The following MFN1 variants were observed in gnomAD, a reference collection of about 807,000 sequenced individuals.
MFN1 encodes the protein mitofusin 1.
A neutral mutation model predicts 92.4 loss-of-function variants in MFN1; 65 were observed. The observed-to-expected ratio is 0.70, with a 90% CI of 0.58 to 0.86. The LOEUF is 0.86. Ranked by LOEUF, MFN1 falls within the 40% of genes least tolerant of loss-of-function variation. The probability of loss-of-function intolerance (pLI) is 0.00; values close to 1 mark genes in which losing one functional copy is unlikely to be tolerated. For synonymous variants in MFN1, 297 were observed against 300.9 expected, an observed-to-expected ratio of 0.99 and a Z score of 0.13; for missense variants, 781 against 868.0, an observed-to-expected ratio of 0.90 and a Z score of 1.26.
chr3:179,385,815 A>G lies in MFN1; in HGVS notation c.1815+94A>G, dbSNP rs973456859. The G allele has an allele frequency of 2.0e-5, 23 of 1,157,438 alleles. 1 individual carries two copies. In the South Asian group the frequency reaches 2.0e-4, roughly 10 times the overall value. The allele number at this position is 1,157,438 out of a possible 1,614,324, so 71.7% of individuals were successfully genotyped here. ...GAAAAGGTATACAGTATTTACTTCTATTTATAGGATCTGTAAAATAGTATG... is the reference window on the plus strand; with the variant it reads ...GAAAAGGTATACAGTATTTACTTCTGTTTATAGGATCTGTAAAATAGTATG... On this transcript the variant is annotated intron_variant, in intron 15 of 17. Transcript: ENST00000471841.
intron 9 of MFN1, among the ~76,000 whole-genome samples, chr3:179,372,157 C>T (rs1473477134): frequency 2.0e-5 from 3 of 147,160 alleles, no homozygotes; most frequent in Non-Finnish European, 3.0e-5. Flanking sequence ...GAGTATCGAG[C>T]GCGAGTATGG....
At chr3:179,385,377 A>G (rs1246139823) in intron 14 of MFN1, among the ~76,000 whole-genome samples, 192 bp from the exon 15 acceptor site, 1 of 151,990 alleles carries the variant, frequency 6.6e-6, no homozygotes, top group African/African-American at 2.4e-5. Context: ...TTTATTGTTC[A>G]TGATATCATT....
intron 16 of MFN1, 49 bp downstream of exon 16, chr3:179,386,678 G>A (rs772208483): frequency 4.6e-6 from 7 of 1,516,958 alleles, no homozygotes; most frequent in African/African-American, 1.4e-5. Flanking sequence ...ACTGAAATAT[G>A]ACATACATGC....
chr3:179,365,457 T>C (rs1319269724), intron 7 of MFN1, among the ~76,000 whole-genome samples: 1 of 152,170 alleles, frequency 6.6e-6, no homozygotes, highest in Non-Finnish European at 1.5e-5. Flanking sequence ...TCTTTTTTGT[T>C]TAAGTTGTTA....
intron 8 of MFN1, 83 bp downstream of exon 8, chr3:179,367,675 A>G (rs1327641708): frequency 1.6e-6 from 2 of 1,257,214 alleles, no homozygotes; most frequent in Non-Finnish European, 2.1e-6. Context: ...CTGTAATCCC[A>G]GCACTTTGGA....
intron 16 of MFN1, among the ~76,000 whole-genome samples, chr3:179,387,134 G>A (rs1468878901): frequency 6.6e-6 from 1 of 151,916 alleles, no homozygotes; most frequent in Non-Finnish European, 1.5e-5. Context: ...TGTTGCCCGG[G>A]TTGGTCTTGA....
Position 179,365,159 on chromosome 3 carries a change from G to A in MFN1, c.687G>A (p.Lys229=), listed in dbSNP as rs1258940057. Residue 229 remains lysine (K), a synonymous_variant, in exon 7 of 18, where the codon AAG becomes AAA. Transcript: ENST00000471841. The stretch of plus-strand genomic sequence containing the variant: ...ACAAGGTGAATGAGCGGCTTTCCAA[G>A]CCTAATATTTTCATTCTCAATAATC... The part of the protein sequence containing the change: ...FFHKVNERLS[K]PNIFILNNRW... The A allele has an allele frequency of 2.6e-6, 4 of 1,556,648 alleles. No homozygotes were observed. Among genetic ancestry groups the A allele is most frequent in the Non-Finnish European group, 3.4e-6 (4 of 1,160,190 alleles).
intron 3 of MFN1, among the ~76,000 whole-genome samples, chr3:179,353,454 C>T (rs1304500528): frequency 1.3e-5 from 2 of 151,968 alleles, no homozygotes; most frequent in East Asian, 3.9e-4. Context: ...GTGAACCACT[C>T]ACCTCGGCCT....
At chr3:179,380,307 C>T (rs1713417123) in intron 14 of MFN1, among the ~76,000 whole-genome samples, 1 of 152,154 alleles carries the variant, frequency 6.6e-6, no homozygotes, top group African/African-American at 2.4e-5. Context: ...GAGGAGACAG[C>T]CCCTACAAGA....
At chr3:179,376,852 G>A (rs571901768) in intron 10 of MFN1, 190 bp from the exon 11 acceptor site, 8 of 439,664 alleles carry the variant, frequency 1.8e-5, no homozygotes, top group African/African-American at 1.7e-4. Context: ...AGAGAAACGT[G>A]GTTTCTATCA....
intron 2 of MFN1, 48 bp downstream of exon 2, chr3:179,349,011 A>T (rs760940956): frequency 4.8e-6 from 7 of 1,472,150 alleles, no homozygotes; most frequent in Non-Finnish European, 6.5e-6. Context: ...AAAATATATA[A>T]AAGTGCTTAT....
chr3:179,357,269 T>G (rs1024144136), intron 3 of MFN1, among the ~76,000 whole-genome samples: 15 of 152,144 alleles, frequency 9.9e-5, no homozygotes, highest in Non-Finnish European at 2.1e-4. Context: ...TGGGCCAAAG[T>G]GCAGCCTGAT....
At chr3:179,375,482 A>G in intron 10 of MFN1, 141 bp downstream of exon 10, 1 of 980,968 alleles carries the variant, frequency 1.0e-6, no homozygotes, top group East Asian at 2.6e-5. Flanking sequence ...CTACTTCTAT[A>G]TTTTTAAGTG....
In MFN1 at chr3:179,377,178, A is replaced by G. The variant is rs1217137657; in HGVS notation, c.1224+10A>G. 1.2e-5 allele frequency: 20 copies of G among 1,609,192 alleles called. No homozygotes were observed. Among genetic ancestry groups the G allele is most frequent in the African/African-American group, 2.7e-5 (2 of 74,638 alleles). On this transcript the variant is annotated intron_variant, in intron 11 of 17. Coordinates refer to ENST00000471841, the MANE Select transcript of MFN1 (RefSeq NM_033540.3). Reference sequence around the variant, plus strand: ...GGAGGTGGCAAACAAAGTGGGTAACAGTAGCTTCATGATTAAAATAACCTG... The same window carrying G: ...GGAGGTGGCAAACAAAGTGGGTAACGGTAGCTTCATGATTAAAATAACCTG...
chr3:179,386,446 T>C lies in MFN1; in HGVS notation c.1829T>C (p.Ile610Thr), dbSNP rs1713686832. 1.2e-6 allele frequency: 2 copies of C among 1,612,460 alleles called. No individual in the cohort carries two copies. The highest frequency in any genetic ancestry group is 1.7e-5 in the Admixed American group (1 of 59,486). The change falls in exon 16 of 18, where the codon ATA (isoleucine) becomes ACA (threonine). Residue 610 changes from isoleucine to threonine, a missense_variant. By Grantham distance (89) the Ile-to-Thr change is moderately conservative. Transcript: ENST00000471841. ...TTTATCTTACAGATTTGGAAAACTATAGGCTGGAAACTCCTATCTGTTTCA... is the reference window on the plus strand; with the variant it reads ...TTTATCTTACAGATTTGGAAAACTACAGGCTGGAAACTCCTATCTGTTTCA... ...IIVGGVIWKT[I>T]GWKLLSVSLT... is the part of the protein sequence containing the mutation.
intron 3 of MFN1, among the ~76,000 whole-genome samples, chr3:179,358,168 T>TTTTAG (rs1712420925): frequency 6.7e-6 from 1 of 150,180 alleles, no homozygotes; most frequent in African/African-American, 2.5e-5. Flanking sequence ...TTTTTTTTTT[T>TTTTAG]GAGACTCAGT....
chr3:179,377,258 A>C lies in MFN1; in HGVS notation c.1225-86A>C. On this transcript the variant is annotated intron_variant, in intron 11 of 17. Coordinates refer to ENST00000471841, the MANE Select transcript of MFN1 (RefSeq NM_033540.3). ...ATGTTATTCCTGTTACTTTAAAAGA[A>C]TGTTTTCAGATTTTTCAATTTAATT... 8 of 1,522,318 alleles carry C rather than the reference A, an allele frequency of 5.3e-6. No individual in the cohort carries two copies. The South Asian group carries it at 9.9e-5, about 19-fold the overall frequency. 94.3% of individuals were successfully genotyped at this position (1,522,318 alleles called of 1,614,324 possible). A position where few individuals can be genotyped will look rare whatever the true frequency, so the allele number is the denominator to read the frequency against.
At chr3:179,348,333 C>G (rs995399004) in intron 1 of MFN1, among the ~76,000 whole-genome samples, 6 of 152,186 alleles carry the variant, frequency 3.9e-5, no homozygotes, top group Admixed American at 2.0e-4. Context: ...AACTTATAGT[C>G]CTTGAAGTTT....
intron 14 of MFN1, among the ~76,000 whole-genome samples, chr3:179,382,817 G>A (rs1577015040): frequency 6.6e-6 from 1 of 152,174 alleles, no homozygotes; most frequent in African/African-American, 2.4e-5. Flanking sequence ...TTTCTCTGAT[G>A]GCCAGTGATG....
Sources: allele counts gnomAD v4.1 joint callset (sites outside exome capture counted in the v4.1 genomes callset), GRCh38; gene constraint gnomAD v4.1.1; transcripts MANE v1.5; gene names NCBI Gene and HGNC (gene_info 2026-07-23, HGNC 2026-07-21).